The following VPS13C variants were observed in gnomAD, a reference collection of about 807,000 sequenced individuals.
The protein encoded by VPS13C is intermembrane lipid transfer protein VPS13C.
VPS13C carries 358 observed loss-of-function variants against 456.8 expected under a neutral mutation model. The observed-to-expected ratio is 0.78, with a 90% confidence interval of 0.72 to 0.86. The LOEUF (loss-of-function observed/expected upper bound fraction) is 0.86, where lower values mean the gene tolerates loss of function less well. Ranked by LOEUF, VPS13C falls within the 40% of genes least tolerant of loss-of-function variation. VPS13C has a pLI of 0.00. For synonymous variants in VPS13C, 1,578 were observed against 1,486.7 expected (o/e 1.06, Z -1.41); for missense variants, 4,818 against 4,385.4 (o/e 1.10, Z -2.79).
intron 9 of VPS13C, among the ~76,000 whole-genome samples, chr15:62,019,690 G>A (rs1161501898): frequency 6.6e-6 from 1 of 151,964 alleles, no homozygotes; most frequent in Admixed American, 6.6e-5. Flanking sequence ...CATTTGCTGA[G>A]GAGTGCTTTA....
intron 73 of VPS13C, chr15:61,879,372 A>G (rs1012686064): frequency 3.3e-5 from 5 of 152,078 alleles, no homozygotes; most frequent in Non-Finnish European, 7.4e-5. Flanking sequence ...ACCAATATAG[A>G]GTTCAAGTAA....
chr15:61,993,056 A>G (rs1567083157), intron 16 of VPS13C, among the ~76,000 whole-genome samples: 3 of 152,150 alleles, frequency 2.0e-5, no homozygotes, highest in East Asian at 1.9e-4. Flanking sequence ...AATGTATATC[A>G]TCTGAGTTTT....
At position 61,873,727 on chromosome 15, in the gene VPS13C, A is replaced by G. The variant is rs945273210; in HGVS notation, c.10415-318T>C. On this transcript the variant is annotated intron_variant, in intron 77 of 84. Transcript: ENST00000644861. ...ATGCTTACACACTGAGAGTGGAAAT[A>G]TAACTTAATACAGCTATTATGGAAA... Among the ~76,000 whole-genome samples, 6 of 151,914 alleles carry G rather than the reference A, an allele frequency of 3.9e-5. No individual in the cohort carries two copies. The South Asian group carries it at 1.2e-3, about 31-fold the overall frequency.
At position 61,991,787 on chromosome 15, in the gene VPS13C, G is replaced by T; in HGVS notation, c.1369C>A (p.Gln457Lys). 6.2e-7 allele frequency: 1 copy of T among 1,610,262 alleles called. No homozygotes were observed. ...TCAGCAGACTTTTTCCTTAATTTTT[G>T]CCCAGACCGAATCACCTGAAAAATA... is the stretch of plus-strand genomic sequence containing the variant. Reference protein sequence around the residue: ...QAQVEVIRSGQKLRKKSADTG... With the variant: ...QAQVEVIRSGKKLRKKSADTG... The change falls in exon 17 of 85, where the codon CAA (glutamine) becomes AAA (lysine). Residue 457 changes from glutamine (Q) to lysine (K), a missense_variant. By Grantham distance (53) the Gln-to-Lys change is moderately conservative (BLOSUM62 1). Transcript: ENST00000644861.
At chr15:62,051,188 A>G (rs1161721395) in intron 1 of VPS13C, among the ~76,000 whole-genome samples, 3 of 152,222 alleles carry the variant, frequency 2.0e-5, no homozygotes, top group African/African-American at 7.2e-5. Flanking sequence ...CGTAACACTT[A>G]ACTTTATATA....
chr15:62,013,084 A>T lies in VPS13C; in HGVS notation c.780T>A (p.Asn260Lys). The change falls in exon 11 of 85, where the codon AAT becomes AAA. Residue 260 changes from asparagine (N) to lysine (K), a missense_variant. Coordinates refer to ENST00000644861, the MANE Select transcript of VPS13C (RefSeq NM_020821.3). Reference protein sequence around the residue: ...IRLDSLSAYWNVNCSMSYQRS... With the variant: ...IRLDSLSAYWKVNCSMSYQRS... ...TCTGGTAAGACATGCTGCAATTTACATTCCAGTAGGCGCTAAGACTATCAA... is the reference window on the plus strand; with the variant it reads ...TCTGGTAAGACATGCTGCAATTTACTTTCCAGTAGGCGCTAAGACTATCAA... 1.2e-6 allele frequency: 2 copies of T among 1,611,192 alleles called. No individual in the cohort carries two copies. Among genetic ancestry groups the T allele is most frequent in the Non-Finnish European group, 1.7e-6 (2 of 1,178,442 alleles).
At chr15:61,942,384 T>C (rs1279923048) in intron 45 of VPS13C, among the ~76,000 whole-genome samples, 1 of 151,696 alleles carries the variant, frequency 6.6e-6, no homozygotes, top group Non-Finnish European at 1.5e-5. Context: ...AAAATCTCCT[T>C]TTTATTAAGA....
chr15:61,865,690 ATATATATGTGTGTATATGTATGTGTG>A, intron 81 of VPS13C: 1 of 391,450 alleles, frequency 2.6e-6, no homozygotes, highest in South Asian at 1.1e-4. Flanking sequence ...TTGTATGTGT[ATATATATGTGTGTATATGTATGTGTG>A]TATATATGTG....
intron 16 of VPS13C, among the ~76,000 whole-genome samples, chr15:61,998,702 A>C (rs2046480073): frequency 6.6e-6 from 1 of 152,150 alleles, no homozygotes; most frequent in Non-Finnish European, 1.5e-5. Flanking sequence ...CATAACAGAC[A>C]CTCAGTGAGT....
chr15:62,023,704 C>G, intron 7 of VPS13C, 76 bp downstream of exon 7: 2 of 1,375,274 alleles, frequency 1.5e-6, no homozygotes, highest in Non-Finnish European at 2.0e-6. Context: ...ATCTGACATT[C>G]ATTTCACATT....
chr15:61,975,120 A>G (rs2045665888), intron 24 of VPS13C, among the ~76,000 whole-genome samples: 1 of 152,138 alleles, frequency 6.6e-6, no homozygotes, highest in Admixed American at 6.6e-5. Flanking sequence ...ACACTGGGGT[A>G]CAGTAAAGCA....
At position 61,854,184 on chromosome 15, in the gene VPS13C, T is replaced by C. The variant is rs567676664; in HGVS notation, c.*273A>G. ...CTTTGCTTCACAATTTTAATATTAA[T>C]GAAAATTTCATTCTGAGTTTGAAGT... is the stretch of plus-strand genomic sequence containing the variant. On this transcript the variant is annotated 3_prime_UTR_variant, in exon 85 of 85. Transcript: ENST00000644861. 3 of 463,076 alleles carry C rather than the reference T, an allele frequency of 6.5e-6. No homozygotes were observed. Among genetic ancestry groups the C allele is most frequent in the Non-Finnish European group, 1.2e-5 (3 of 258,320 alleles). 28.7% of individuals were successfully genotyped at this position (463,076 alleles called of 1,614,324 possible).
chr15:62,020,396 A>C, intron 9 of VPS13C, 83 bp downstream of exon 9: 1 of 1,166,226 alleles, frequency 8.6e-7, no homozygotes, highest in South Asian at 1.8e-5. Context: ...TTTGTCGCAT[A>C]GTTGATTCTA....
At position 61,866,045 on chromosome 15, in the gene VPS13C, G is replaced by A. The variant is rs527921233; in HGVS notation, c.10864-2517C>T. 1.0e-3 allele frequency: 1,000 copies of A among 984,134 alleles called. 1 individual carries two copies. The highest frequency in any genetic ancestry group is 1.1e-3 in the Non-Finnish European group (932 of 829,082). The allele number at this position is 984,134 out of a possible 1,614,324, so 61.0% of individuals were successfully genotyped here. Reference sequence around the variant, plus strand: ...AATATTTCCATGTTTTGTTTTACTCGGTCCCTTAAGGACAGAAGGCTTCTT... The same window carrying A: ...AATATTTCCATGTTTTGTTTTACTCAGTCCCTTAAGGACAGAAGGCTTCTT... On this transcript the variant is annotated intron_variant, in intron 81 of 84. Coordinates refer to ENST00000644861, the MANE Select transcript of VPS13C (RefSeq NM_020821.3).
chr15:61,986,394 A>G (rs1349794175), intron 18 of VPS13C, among the ~76,000 whole-genome samples: 1 of 152,214 alleles, frequency 6.6e-6, no homozygotes, highest in Non-Finnish European at 1.5e-5. Flanking sequence ...TCAATAAATG[A>G]GTTTAACAGT....
chr15:62,012,371 T>A (rs1376611048), intron 11 of VPS13C, among the ~76,000 whole-genome samples: 1 of 151,896 alleles, frequency 6.6e-6, no homozygotes, highest in Non-Finnish European at 1.5e-5. Context: ...ATTTTAAGAA[T>A]TCTGTATGTC....
chr15:61,950,927 A>G lies in VPS13C; in HGVS notation c.4536+18T>C. 6 of 1,527,554 alleles carry G rather than the reference A, an allele frequency of 3.9e-6. No homozygotes were observed. The highest frequency in any genetic ancestry group is 1.4e-5 in the African/African-American group (1 of 72,126). The allele number at this position is 1,527,554 out of a possible 1,614,324, so 94.6% of individuals were successfully genotyped here. ...ATATATTCAAATATTAAAGAATCCT[A>G]GAAATGAAACTAGTTACCTTTGTCA... On this transcript the variant is annotated intron_variant, in intron 40 of 84. Coordinates refer to ENST00000644861, the MANE Select transcript of VPS13C (RefSeq NM_020821.3).
intron 49 of VPS13C, among the ~76,000 whole-genome samples, chr15:61,933,759 A>G (rs2044136544): frequency 6.6e-6 from 1 of 152,048 alleles, no homozygotes; most frequent in Non-Finnish European, 1.5e-5. Context: ...TACATAATCT[A>G]CTACATATAA....
chr15:61,863,627 A>G, intron 81 of VPS13C, 99 bp from the exon 82 acceptor site: 1 of 687,960 alleles, frequency 1.5e-6, no homozygotes, highest in Non-Finnish European at 2.4e-6. Flanking sequence ...GTTAGGAAAA[A>G]ATTAATTAGA....
Sources: allele counts gnomAD v4.1 joint callset (sites outside exome capture counted in the v4.1 genomes callset), GRCh38; gene constraint gnomAD v4.1.1; transcripts MANE v1.5; gene names NCBI Gene and HGNC (gene_info 2026-07-23, HGNC 2026-07-21).